GLIS3: variants seen among roughly 807,000 people sequenced by gnomAD.
GLIS3 encodes zinc finger protein GLIS3.
GLIS3 carries 53 observed loss-of-function variants against 78.6 expected under a neutral mutation model. The observed-to-expected ratio is 0.67, with a 90% confidence interval of 0.54 to 0.85. The LOEUF (loss-of-function observed/expected upper bound fraction) is 0.85, where lower values mean the gene tolerates loss of function less well. Ranked by LOEUF, GLIS3 falls within the 40% of genes least tolerant of loss-of-function variation. GLIS3 has a pLI of 0.00. For synonymous variants in GLIS3, 684 were observed against 509.9 expected, an observed-to-expected ratio of 1.34 and a Z score of -4.60; for missense variants, 1,703 against 1,231.1, an observed-to-expected ratio of 1.38 and a Z score of -5.74.
At chr9:4,364,756 C>CTTTTTTTTTTT in the GLIS3 span, among the ~76,000 whole-genome samples, 6 of 61,098 alleles carry the variant, frequency 9.8e-5, no homozygotes, top group African/African-American at 1.2e-4. Context: ...TCATGTATTG[C>CTTTTTTTTTTT]TTTTTTTTTT....
chr9:3,834,510 T>A (rs1818232924), intron 9 of GLIS3, among the ~76,000 whole-genome samples: 1 of 152,184 alleles, frequency 6.6e-6, no homozygotes, highest in Non-Finnish European at 1.5e-5. Context: ...AAATAGCCAC[T>A]CATGGCTATT....
chr9:4,035,295 C>A lies in GLIS3; in HGVS notation c.1710+82473G>T, dbSNP rs531105237. 5.2e-4 allele frequency among the ~76,000 whole-genome samples: 79 copies of A among 152,176 alleles called. No homozygotes were observed. In the Middle Eastern group the frequency reaches 0.01, roughly 20 times the overall value. On this transcript the variant is annotated intron_variant, in intron 4 of 10. Transcript: ENST00000381971. Reference sequence around the variant, plus strand: ...ATCCTACAGATAGTGAGCCATGATTCAAAACCAGGTCTAGTTAACTAAAGT... The same window carrying A: ...ATCCTACAGATAGTGAGCCATGATTAAAAACCAGGTCTAGTTAACTAAAGT...
At chr9:4,308,191 C>G (rs1170007823) in intron 4 of GLIS3, among the ~76,000 whole-genome samples, 2 of 152,052 alleles carry the variant, frequency 1.3e-5, no homozygotes, top group African/African-American at 2.4e-5. Flanking sequence ...CCTGCCACCA[C>G]CCACTTTCTG....
At chr9:4,191,101 G>A (rs529930168) in intron 2 of GLIS3, among the ~76,000 whole-genome samples, 70 of 151,204 alleles carry the variant, frequency 4.6e-4, no homozygotes, top group African/African-American at 1.5e-3. Context: ...AAATACCATC[G>A]AGACTAGGAA....
At chr9:4,316,277 T>G (rs1172557449) in intron 2 of GLIS3, among the ~76,000 whole-genome samples, 1 of 152,226 alleles carries the variant, frequency 6.6e-6, no homozygotes. Flanking sequence ...ACTGCTCACA[T>G]AACCCCTTCA....
the GLIS3 span, among the ~76,000 whole-genome samples, chr9:4,412,915 A>G: frequency 3.9e-5 from 6 of 152,200 alleles, no homozygotes; most frequent in African/African-American, 1.2e-4. Context: ...TCAAAGATGA[A>G]AGACCTATGT....
chr9:3,929,598 A>AG, intron 6 of GLIS3, among the ~76,000 whole-genome samples: 1 of 152,118 alleles, frequency 6.6e-6, no homozygotes, highest in Non-Finnish European at 1.5e-5. Context: ...TTTAATGTCT[A>AG]GGGGGAGGTT....
chr9:3,998,793 T>C (rs1168973832), intron 4 of GLIS3, among the ~76,000 whole-genome samples: 1 of 148,682 alleles, frequency 6.7e-6, no homozygotes, highest in Non-Finnish European at 1.5e-5. Flanking sequence ...AATATTTTAA[T>C]AAAATAATAT....
chr9:3,828,344 A>G lies in GLIS3; in HGVS notation c.2721T>C (p.Asp907=), dbSNP rs369030958. 3 of 1,614,050 alleles carry G rather than the reference A, an allele frequency of 1.9e-6. No homozygotes were observed. Among genetic ancestry groups the G allele is most frequent in the African/African-American group, 1.3e-5 (1 of 75,056 alleles). ...FGESLRSGAE[D]ATFLQISTVD... ...CGGTGCTGATCTGCAAGAAGGTAGCATCTTCAGCCCCGCTGCGGAGAGACT... is the reference window on the plus strand; with the variant it reads ...CGGTGCTGATCTGCAAGAAGGTAGCGTCTTCAGCCCCGCTGCGGAGAGACT... The change falls in exon 11 of 11, where the codon GAT becomes GAC. Residue 907 remains aspartate, a synonymous_variant. Transcript: ENST00000381971.
At chr9:4,022,795 C>T (rs981038144) in intron 4 of GLIS3, among the ~76,000 whole-genome samples, 3 of 152,146 alleles carry the variant, frequency 2.0e-5, no homozygotes, top group East Asian at 1.9e-4. Context: ...AAGGTGATTA[C>T]GGTAGTGAAA....
intron 4 of GLIS3, among the ~76,000 whole-genome samples, chr9:4,079,624 A>T (rs976204589): frequency 6.6e-6 from 1 of 152,158 alleles, no homozygotes; most frequent in African/African-American, 2.4e-5. Context: ...ATCCCCAAGC[A>T]TGTCCCCAGT....
intron 2 of GLIS3, among the ~76,000 whole-genome samples, chr9:4,195,547 C>G (rs1005770613): frequency 6.6e-6 from 1 of 152,232 alleles, no homozygotes; most frequent in Non-Finnish European, 1.5e-5. Flanking sequence ...GGGCAGGGCT[C>G]GGGACCTGCA....
rs184332877 is a variant in GLIS3, at chr9:4,216,283, T to C, written c.388+69755A>G. On this transcript the variant is annotated intron_variant, in intron 2 of 10. Transcript: ENST00000381971. ...GTCAGGAAATCGAGACCATCCTGGC[T>C]AACATGGTGAAACCCCGCCTCTACT... is the stretch of plus-strand genomic sequence containing the variant. 1.2e-3 allele frequency among the ~76,000 whole-genome samples: 181 copies of C among 151,854 alleles called. 2 individuals are homozygous for C. The Middle Eastern group carries it at 0.014, about 11-fold the overall frequency.
At chr9:4,361,995 C>T in the GLIS3 span, among the ~76,000 whole-genome samples, 3 of 152,166 alleles carry the variant, frequency 2.0e-5, no homozygotes, top group African/African-American at 4.8e-5. Flanking sequence ...GAAATTCCAA[C>T]GATTAATTGA....
chr9:4,259,410 C>G (rs1825298970), intron 2 of GLIS3, among the ~76,000 whole-genome samples: 2 of 151,978 alleles, frequency 1.3e-5, no homozygotes, highest in African/African-American at 4.8e-5. Flanking sequence ...CTGGAGAGTG[C>G]TCATCTAATT....
the GLIS3 span, among the ~76,000 whole-genome samples, chr9:4,489,358 G>A: frequency 6.6e-6 from 1 of 152,156 alleles, no homozygotes; most frequent in African/African-American, 2.4e-5. Flanking sequence ...AAGGGATGAA[G>A]CTCTAATTGT....
At chr9:4,100,432 G>A (rs767181166) in intron 4 of GLIS3, among the ~76,000 whole-genome samples, 1 of 152,010 alleles carries the variant, frequency 6.6e-6, no homozygotes, top group Non-Finnish European at 1.5e-5. Context: ...GGATAATCAG[G>A]GAAAACAAAG....
intron 9 of GLIS3, among the ~76,000 whole-genome samples, chr9:3,854,767 A>T (rs1588091682): frequency 1.3e-5 from 2 of 150,008 alleles, no homozygotes; most frequent in African/African-American, 4.9e-5. Context: ...GATGGTCTCG[A>T]CCTCCTAACC....
At position 4,288,076 on chromosome 9, in the gene GLIS3, C is replaced by G. The variant is rs544782223; in HGVS notation, c.-98-1553G>C. On this transcript the variant is annotated intron_variant, in intron 1 of 10. Coordinates refer to ENST00000381971, the MANE Select transcript of GLIS3 (RefSeq NM_001042413.2). ...TCCCATGAGTACGAAGCAGGAGTGACCAGATAACCTCAGTTCTTACATTGG... is the reference window on the plus strand; with the variant it reads ...TCCCATGAGTACGAAGCAGGAGTGAGCAGATAACCTCAGTTCTTACATTGG... Among the ~76,000 whole-genome samples, 86 of 152,286 alleles carry G rather than the reference C, an allele frequency of 5.6e-4. 1 individual carries two copies. The highest frequency in any genetic ancestry group is 2.1e-3 in the African/African-American group (86 of 41,564).
Sources: gnomAD v4.1 joint callset for allele counts (sites outside exome capture counted in the v4.1 genomes callset) on GRCh38, gnomAD v4.1.1 for gene constraint, MANE v1.5 for transcripts, NCBI Gene and HGNC (gene_info 2026-07-23, HGNC 2026-07-21) for gene names.